MED15: variants seen among roughly 807,000 people sequenced by gnomAD.
The protein encoded by MED15 is mediator complex subunit 15, also known as mediator of RNA polymerase II transcription subunit 15.
MED15 carries 41 observed loss-of-function variants against 118.7 expected under a neutral mutation model. The ratio of observed to expected loss-of-function variants is 0.35; its 90% CI spans 0.27 to 0.45. The LOEUF (loss-of-function observed/expected upper bound fraction) is 0.45, where lower values mean the gene tolerates loss of function less well. Ranked by LOEUF, MED15 falls within the 20% of genes least tolerant of loss-of-function variation. The pLI, the probability that MED15 is intolerant of heterozygous loss-of-function variation, is 1.00. For synonymous variants in MED15, 436 were observed against 413.9 expected (o/e 1.05, Z -0.65); for missense variants, 740 against 1,025.5 (o/e 0.72, Z 3.80).
Position 20,553,870 on chromosome 22 carries a change from C to CA in MED15, c.238+705dup, listed in dbSNP as rs577799021. ...TGGATGACTGAGTGAGACTCCATCT[C>CA]AAAAAAAAAGTTTAGAAATCCATAT... On this transcript the variant is annotated intron_variant, in intron 4 of 17. Coordinates refer to ENST00000263205, the MANE Select transcript of MED15 (RefSeq NM_001003891.3). 6.6e-5 allele frequency among the ~76,000 whole-genome samples: 10 copies of CA among 151,160 alleles called. No homozygotes were observed. The South Asian group carries it at 8.3e-4, about 13-fold the overall frequency.
chr22:20,575,330 C>T lies in MED15; in HGVS notation c.1272+98C>T. 5 of 1,396,982 alleles carry T rather than the reference C, an allele frequency of 3.6e-6. No homozygotes were observed. In the South Asian group the frequency reaches 4.2e-5, roughly 12 times the overall value. 86.5% of individuals were successfully genotyped at this position (1,396,982 alleles called of 1,614,324 possible). On this transcript the variant is annotated intron_variant, in intron 9 of 17. Coordinates refer to ENST00000263205, the MANE Select transcript of MED15 (RefSeq NM_001003891.3). The stretch of plus-strand genomic sequence containing the variant: ...CTGTCATTATCATCGCCGGTGACTT[C>T]TTTTATGGTGGCTTTCAGAGTGCCA...
intron 2 of MED15, among the ~76,000 whole-genome samples, chr22:20,539,006 C>T (rs745519444): frequency 1.3e-5 from 2 of 151,936 alleles, no homozygotes; most frequent in Non-Finnish European, 2.9e-5. Context: ...CAGCCACGTA[C>T]AATATATGTT....
Position 20,568,642 on chromosome 22 carries a change from G to C in MED15, c.1152+11G>C, listed in dbSNP as rs528653147. 1.7e-5 allele frequency: 27 copies of C among 1,611,168 alleles called. No individual in the cohort carries two copies. The South Asian group carries it at 3.0e-4, about 18-fold the overall frequency. ...GCTCCCGGAGTCCAGGTGAGGGCCT[G>C]GGGGTGGAGGGCTCCATAGTCATCA... On this transcript the variant is annotated intron_variant, in intron 8 of 17. Transcript: ENST00000263205.
chr22:20,555,260 C>A, intron 5 of MED15, 112 bp downstream of exon 5: 1 of 1,179,582 alleles, frequency 8.5e-7, no homozygotes, highest in Non-Finnish European at 1.2e-6. Context: ...CCAAATCGCT[C>A]TGGTTTTTTT....
intron 1 of MED15, among the ~76,000 whole-genome samples, chr22:20,530,683 G>T (rs1380979669): frequency 1.3e-5 from 2 of 152,164 alleles, no homozygotes; most frequent in Admixed American, 1.3e-4. Flanking sequence ...GAGTCAGGGC[G>T]TGGAGCAGAG....
chr22:20,537,421 G>T (rs2055122903), intron 2 of MED15, among the ~76,000 whole-genome samples: 1 of 152,132 alleles, frequency 6.6e-6, no homozygotes, highest in African/African-American at 2.4e-5. Context: ...CCAGCCTCTG[G>T]CCCCAGACCT....
chr22:20,561,840 C>T (rs1418587745), intron 5 of MED15, among the ~76,000 whole-genome samples: 1 of 151,546 alleles, frequency 6.6e-6, no homozygotes, highest in Non-Finnish European at 1.5e-5. Context: ...AATAGGAGAC[C>T]CCCATCTCTA....
At chr22:20,562,811 G>A (rs2056295519) in intron 5 of MED15, among the ~76,000 whole-genome samples, 1 of 152,186 alleles carries the variant, frequency 6.6e-6, no homozygotes, top group Admixed American at 6.5e-5. Context: ...GTCGAGGCAG[G>A]AGGATCACTT....
At chr22:20,552,514 C>A in intron 3 of MED15, 1 of 441,184 alleles carries the variant, frequency 2.3e-6, no homozygotes, top group Admixed American at 2.7e-5. Context: ...GATGCGCTGG[C>A]AGACTCCGCA....
intron 8 of MED15, among the ~76,000 whole-genome samples, chr22:20,570,607 G>A (rs554735552): frequency 1.3e-5 from 2 of 151,110 alleles, no homozygotes; most frequent in Non-Finnish European, 3.0e-5. Flanking sequence ...GGCCAGGCTG[G>A]TTCGAACTCC....
At position 20,507,643 on chromosome 22, in the gene MED15, A is replaced by T. The variant is rs766878721; in HGVS notation, c.-36A>T. The T allele has an allele frequency of 3.7e-6, 6 of 1,613,322 alleles. No individual in the cohort carries two copies. The highest frequency in any genetic ancestry group is 1.3e-5 in the African/African-American group (1 of 74,930). ...GACTGAGGCGGCGGCGGTGGCGGCC[A>T]AGCGGGATACGGGCGGCGGGAGCTG... On this transcript the variant is annotated 5_prime_UTR_variant, in exon 1 of 18. Coordinates refer to ENST00000263205, the MANE Select transcript of MED15 (RefSeq NM_001003891.3).
intron 5 of MED15, among the ~76,000 whole-genome samples, chr22:20,556,301 A>G (rs1418516663): frequency 2.3e-5 from 3 of 131,972 alleles, no homozygotes; most frequent in South Asian, 2.7e-4. Context: ...GGACTTCATC[A>G]GTTTTTTTTT....
At chr22:20,549,636 G>T (rs1180016530) in intron 2 of MED15, among the ~76,000 whole-genome samples, 1 of 152,166 alleles carries the variant, frequency 6.6e-6, no homozygotes, top group Non-Finnish European at 1.5e-5. Context: ...AATGTAGGAA[G>T]TATCATCGCC....
In MED15 at chr22:20,586,995, G is replaced by A. The variant is rs372730841; in HGVS notation, c.*291G>A. On this transcript the variant is annotated 3_prime_UTR_variant, in exon 18 of 18. Transcript: ENST00000263205. Reference sequence around the variant, plus strand: ...CCTCAGGCTGCTCTCACCGTGGCCTGTCCACGGTCCAGGTCCATCTCAGCA... The same window carrying A: ...CCTCAGGCTGCTCTCACCGTGGCCTATCCACGGTCCAGGTCCATCTCAGCA... 21 of 501,600 alleles carry A rather than the reference G, an allele frequency of 4.2e-5. No individual in the cohort carries two copies. In the East Asian group the frequency reaches 4.7e-4, roughly 11 times the overall value. The allele number at this position is 501,600 out of a possible 1,614,324, so 31.1% of individuals were successfully genotyped here.
At chr22:20,517,814 A>G (rs2054306737) in intron 1 of MED15, among the ~76,000 whole-genome samples, 1 of 152,116 alleles carries the variant, frequency 6.6e-6, no homozygotes, top group South Asian at 2.1e-4. Flanking sequence ...AGGAAGATGC[A>G]ACCAGTCAGC....
At chr22:20,552,553 C>T in intron 3 of MED15, 1 of 461,000 alleles carries the variant, frequency 2.2e-6, no homozygotes, top group Non-Finnish European at 4.5e-6. Context: ...AGTGGCCTGG[C>T]TGGTGCACAC....
chr22:20,581,061 G>A (rs2056965356), intron 9 of MED15, among the ~76,000 whole-genome samples: 1 of 152,158 alleles, frequency 6.6e-6, no homozygotes, highest in Non-Finnish European at 1.5e-5. Context: ...CTTTGGATAG[G>A]GACCTCTGAC....
chr22:20,523,952 T>G (rs1173700432), intron 1 of MED15: 1 of 559,702 alleles, frequency 1.8e-6, no homozygotes. Context: ...GTGTACAGTG[T>G]TTGAAGTCTC....
chr22:20,564,980 C>T (rs1218309166), intron 6 of MED15, among the ~76,000 whole-genome samples: 1 of 152,198 alleles, frequency 6.6e-6, no homozygotes, highest in African/African-American at 2.4e-5. Flanking sequence ...AAAAAATTAG[C>T]TGGACATGGT....
Sources: allele counts gnomAD v4.1 joint callset (sites outside exome capture counted in the v4.1 genomes callset), GRCh38; gene constraint gnomAD v4.1.1; transcripts MANE v1.5; gene names NCBI Gene and HGNC (gene_info 2026-07-23, HGNC 2026-07-21).